Variants in PCDHGA1 observed in about 807,000 individuals in gnomAD.
The protein encoded by PCDHGA1 is protocadherin gamma subfamily A, 1.
Under a neutral mutation model 58.0 loss-of-function variants are expected in PCDHGA1, and 32 were observed. The ratio of observed to expected loss-of-function variants is 0.55; its 90% CI spans 0.42 to 0.74. The LOEUF is 0.74. PCDHGA1 is among the 30% of genes least tolerant of loss of function. PCDHGA1 has a pLI of 0.00. For synonymous variants in PCDHGA1, 498 were observed against 501.1 expected, an observed-to-expected ratio of 0.99 and a Z score of 0.08; for missense variants, 1,205 against 1,182.3, an observed-to-expected ratio of 1.02 and a Z score of -0.28.
At chr5:141,394,506 C>T (rs1487868399) in intron 1 of PCDHGA1, 1 of 1,614,096 alleles carries the variant, frequency 6.2e-7, no homozygotes, top group Non-Finnish European at 8.5e-7. Flanking sequence ...GATCCTGTAC[C>T]CCGCCCTCCC....
At chr5:141,447,696 G>A (rs1273958794) in intron 1 of PCDHGA1, among the ~76,000 whole-genome samples, 1 of 152,096 alleles carries the variant, frequency 6.6e-6, no homozygotes, top group Non-Finnish European at 1.5e-5. Context: ...TAGAGGGATG[G>A]GTTATAAGGA....
intron 1 of PCDHGA1, chr5:141,344,885 G>T: frequency 6.2e-7 from 1 of 1,613,908 alleles, no homozygotes; most frequent in Non-Finnish European, 8.5e-7. Flanking sequence ...TAGATAAAAT[G>T]CCTGGGAAAA....
At chr5:141,482,943 G>T (rs2099574928) in intron 1 of PCDHGA1, among the ~76,000 whole-genome samples, 1 of 152,086 alleles carries the variant, frequency 6.6e-6, no homozygotes, top group Non-Finnish European at 1.5e-5. Context: ...TGTGGTTGTG[G>T]GTGCCTGTAA....
At chr5:141,410,340 T>C (rs1408707323) in intron 1 of PCDHGA1, 5 of 1,614,068 alleles carry the variant, frequency 3.1e-6, no homozygotes, top group Non-Finnish European at 2.5e-6. Context: ...GCCATTGCCT[T>C]GCGCCTGCGA....
chr5:141,491,938 C>A lies in PCDHGA1; in HGVS notation c.2422-2869C>A, dbSNP rs1207647899. Reference sequence around the variant, plus strand: ...TGTGGGCGAGGGGAGGTGGGACCGACCCCCACCCCTACACTCAAAAAAGGC... The same window carrying A: ...TGTGGGCGAGGGGAGGTGGGACCGAACCCCACCCCTACACTCAAAAAAGGC... On this transcript the variant is annotated intron_variant, in intron 1 of 3. Transcript: ENST00000517417. This position sits in a 1 kb window ranked among gnomAD's most constrained non-coding sequence, Gnocchi z 6.9. 1.7e-6 allele frequency: 2 copies of A among 1,199,072 alleles called. No homozygotes were observed. The highest frequency in any genetic ancestry group is 3.1e-5 in the Admixed American group (1 of 32,246). The allele number at this position is 1,199,072 out of a possible 1,614,324, so 74.3% of individuals were successfully genotyped here. A position where few individuals can be genotyped will look rare whatever the true frequency, so the allele number is the denominator to read the frequency against.
At chr5:141,375,208 C>G in intron 1 of PCDHGA1, 2 of 1,613,958 alleles carry the variant, frequency 1.2e-6, no homozygotes, top group Non-Finnish European at 8.5e-7. Flanking sequence ...TCGATCGAGA[C>G]TCTGGCCTGA....
rs752720166 is a variant in PCDHGA1, at chr5:141,419,978, G to C, written c.2422-74829G>C. 1.9e-6 allele frequency: 3 copies of C among 1,614,076 alleles called. No homozygotes were observed. In the South Asian group the frequency reaches 3.3e-5, roughly 18 times the overall value. On this transcript the variant is annotated intron_variant, in intron 1 of 3. Transcript: ENST00000517417. Reference sequence around the variant, plus strand: ...GATTTCTGTGCTCTTTCTCCTCGCGGTGATTCTAGCTATTGCTCTACGCCT... The same window carrying C: ...GATTTCTGTGCTCTTTCTCCTCGCGCTGATTCTAGCTATTGCTCTACGCCT...
At position 141,384,620 on chromosome 5, in the gene PCDHGA1, G is replaced by C. The variant is rs767421233; in HGVS notation, c.2421+51515G>C. On this transcript the variant is annotated intron_variant, in intron 1 of 3. Coordinates refer to ENST00000517417, the MANE Select transcript of PCDHGA1 (RefSeq NM_018912.3). ...GCCCTCCCCACAGATGGTTCTACTG[G>C]CATGGAGCTGGCACCCCGCTCCGCA... 6 of 1,614,082 alleles carry C rather than the reference G, an allele frequency of 3.7e-6. No homozygotes were observed. The African/African-American group carries it at 8.0e-5, about 22-fold the overall frequency.
Position 141,423,286 on chromosome 5 carries a change from ACCT to A in PCDHGA1, c.2422-71519_2422-71517del, listed in dbSNP as rs554024395. 8.7e-3 allele frequency: 13,966 copies of A among 1,613,746 alleles called. 98 individuals are homozygous for A. The highest frequency in any genetic ancestry group is 0.011 in the Middle Eastern group (68 of 6,062). ...CCTCGAGTCTCTGGCTAACTCTGAAACCTCAGACCTCTCGCTGTACTTGGTGGT... is the reference window on the plus strand; with the variant it reads ...CCTCGAGTCTCTGGCTAACTCTGAAACAGACCTCTCGCTGTACTTGGTGGT... On this transcript the variant is annotated intron_variant, in intron 1 of 3. Transcript: ENST00000517417.
At chr5:141,377,577 CAGAATGAGACTTTT>C (rs1211676701) in intron 1 of PCDHGA1, 2 of 148,600 alleles carry the variant, frequency 1.3e-5, no homozygotes, top group African/African-American at 2.5e-5. Context: ...GCCTGGGAGA[CAGAATGAGACTTTT>C]TCTCTCTCTC....
chr5:141,331,058 A>C lies in PCDHGA1; in HGVS notation c.374A>C (p.Asp125Ala). 6.2e-7 allele frequency: 1 copy of C among 1,614,198 alleles called. No homozygotes were observed. Among genetic ancestry groups the C allele is most frequent in the Non-Finnish European group, 8.5e-7 (1 of 1,180,022 alleles). ...KLFPVEVEII[D>A]INDNTPQFQL... ...TTTCCTGTTGAAGTAGAAATAATTG[A>C]TATTAATGACAACACTCCCCAATTC... is the stretch of plus-strand genomic sequence containing the variant. Residue 125 changes from aspartate (D) to alanine (A), a missense_variant, in exon 1 of 4, where the codon GAT (aspartate) becomes GCT (alanine). Coordinates refer to ENST00000517417, the MANE Select transcript of PCDHGA1 (RefSeq NM_018912.3).
intron 1 of PCDHGA1, chr5:141,366,940 C>A: frequency 1.2e-6 from 1 of 819,898 alleles, no homozygotes; most frequent in Non-Finnish European, 1.8e-6. Context: ...GGAAGTCTAG[C>A]TGATATCTGT....
rs1356357111 is a variant in PCDHGA1 at position 141,370,808 on chromosome 5, T to C, written c.2421+37703T>C. 2.5e-6 allele frequency: 4 copies of C among 1,613,950 alleles called. No individual in the cohort carries two copies. The African/African-American group carries it at 5.3e-5, about 22-fold the overall frequency. On this transcript the variant is annotated intron_variant, in intron 1 of 3. Coordinates refer to ENST00000517417, the MANE Select transcript of PCDHGA1 (RefSeq NM_018912.3). ...CACCGACCTTTAGCCAAAATATCAC[T>C]GAGCTGGAAATCAGCGAACTGGCTC...
In PCDHGA1 at chr5:141,454,516, C is replaced by T. The variant is rs375583922; in HGVS notation, c.2422-40291C>T. On this transcript the variant is annotated intron_variant, in intron 1 of 3. Coordinates refer to ENST00000517417, the MANE Select transcript of PCDHGA1 (RefSeq NM_018912.3). Reference sequence around the variant, plus strand: ...CCACCTCCTGGATTCAGGCAGTTCTCCTGCCTCAGCCTCCCAAGTAGCTGA... The same window carrying T: ...CCACCTCCTGGATTCAGGCAGTTCTTCTGCCTCAGCCTCCCAAGTAGCTGA... Among the ~76,000 whole-genome samples the T allele has an allele frequency of 1.2e-4, 18 of 152,288 alleles. No individual in the cohort carries two copies. In the East Asian group the frequency reaches 3.1e-3, roughly 26 times the overall value.
intron 1 of PCDHGA1, chr5:141,385,002 C>T: frequency 6.2e-7 from 1 of 1,614,138 alleles, no homozygotes; most frequent in Admixed American, 1.7e-5. Flanking sequence ...CCACAGTCTC[C>T]TGCGTCTTCC....
intron 1 of PCDHGA1, chr5:141,391,513 C>T (rs1485140932): frequency 6.6e-6 from 1 of 152,096 alleles, no homozygotes; most frequent in Non-Finnish European, 1.5e-5. Flanking sequence ...TATTTTCTTT[C>T]ACTAATTTAA....
intron 1 of PCDHGA1, among the ~76,000 whole-genome samples, chr5:141,456,250 C>T (rs1244300374): frequency 4.6e-5 from 7 of 152,014 alleles, no homozygotes; most frequent in African/African-American, 1.7e-4. Context: ...AGGCTTTGGG[C>T]GACCATTGCT....
At chr5:141,340,840 G>C (rs767921524) in intron 1 of PCDHGA1, 4 of 1,611,604 alleles carry the variant, frequency 2.5e-6, no homozygotes, top group South Asian at 2.2e-5. Flanking sequence ...GTCTGCACAC[G>C]GGCGAGGTGC....
intron 1 of PCDHGA1, among the ~76,000 whole-genome samples, chr5:141,492,490 G>C (rs2099741140): frequency 6.6e-6 from 1 of 152,208 alleles, no homozygotes; most frequent in Non-Finnish European, 1.5e-5. Context: ...CCAGGACCAG[G>C]CGAGGACTCC....
Sources: gnomAD v4.1 joint callset for allele counts (sites outside exome capture counted in the v4.1 genomes callset) on GRCh38, gnomAD v4.1.1 for gene constraint, Gnocchi (gnomAD v3.1) non-coding constraint, MANE v1.5 for transcripts, NCBI Gene and HGNC (gene_info 2026-07-23, HGNC 2026-07-21) for gene names.